FGF12: variants seen among roughly 807,000 people sequenced by gnomAD.
FGF12 encodes fibroblast growth factor 12B.
Under a neutral mutation model 23.6 loss-of-function variants are expected in FGF12, and 14 were observed. The observed-to-expected ratio is 0.59, with a 90% CI of 0.39 to 0.93. The LOEUF (loss-of-function observed/expected upper bound fraction) is 0.93. FGF12 is among the 40% of genes least tolerant of loss of function. The pLI is 0.00. For synonymous variants in FGF12, 62 were observed against 77.3 expected (o/e 0.80, Z 1.04); for missense variants, 175 against 217.8 (o/e 0.80, Z 1.24).
chr3:192,273,446 T>C (rs180733137), intron 4 of FGF12, among the ~76,000 whole-genome samples: 2 of 152,266 alleles, frequency 1.3e-5, no homozygotes, highest in East Asian at 1.9e-4. Flanking sequence ...CAGACAAACA[T>C]AGGGCCTCTA....
rs531697454 is a variant in FGF12 at position 192,329,517 on chromosome 3, T to C, written c.228+5844A>G. Among the ~76,000 whole-genome samples the C allele has an allele frequency of 4.8e-4, 73 of 152,192 alleles. 1 individual carries two copies. The highest frequency in any genetic ancestry group is 8.7e-4 in the Non-Finnish European group (59 of 68,028). On this transcript the variant is annotated intron_variant, in intron 4 of 5. Transcript: ENST00000445105. The stretch of plus-strand genomic sequence containing the variant: ...TGTTTATCTACATTTGCTTTATTTA[T>C]ACAAGGTTCAGTTCAAACAACTCAA...
At chr3:192,634,356 T>C (rs1180038960) in intron 2 of FGF12, among the ~76,000 whole-genome samples, 2 of 152,108 alleles carry the variant, frequency 1.3e-5, no homozygotes, top group African/African-American at 4.8e-5. Context: ...TTAAAAATAA[T>C]ACAGTATAAC....
At chr3:192,644,391 T>C (rs943273768) in intron 2 of FGF12, among the ~76,000 whole-genome samples, 1 of 152,054 alleles carries the variant, frequency 6.6e-6, no homozygotes, top group Non-Finnish European at 1.5e-5. Flanking sequence ...AAAACCCCTG[T>C]TGTCGTATAT....
At chr3:192,460,458 T>C (rs906644822) in intron 2 of FGF12, among the ~76,000 whole-genome samples, 3 of 152,052 alleles carry the variant, frequency 2.0e-5, no homozygotes, top group African/African-American at 7.2e-5. Context: ...CAGTGGAATA[T>C]AAGGCTCATG....
chr3:192,558,216 T>C (rs2654701), intron 2 of FGF12, among the ~76,000 whole-genome samples: 123,453 of 151,832 alleles, frequency 0.81, 50,665 homozygotes, highest in East Asian at 0.95. Context: ...AAAACAGAGA[T>C]AATAAATTCA....
At chr3:192,445,940 C>T (rs559797428) in intron 2 of FGF12, among the ~76,000 whole-genome samples, 129 of 152,280 alleles carry the variant, frequency 8.5e-4, no homozygotes, top group Non-Finnish European at 1.6e-3. Flanking sequence ...CTGCTTGGCT[C>T]TCTGCAGTGC....
intron 2 of FGF12, among the ~76,000 whole-genome samples, chr3:192,558,588 T>C (rs1281692158): frequency 3.1e-5 from 2 of 65,192 alleles, no homozygotes; most frequent in Non-Finnish European, 6.4e-5. Context: ...AATCCTAAAA[T>C]TCATATGAAA....
At chr3:192,424,373 C>T (rs1410353720) in intron 2 of FGF12, among the ~76,000 whole-genome samples, 1 of 152,168 alleles carries the variant, frequency 6.6e-6, no homozygotes, top group Non-Finnish European at 1.5e-5. Context: ...ACATCTGGTG[C>T]ACCATGCCAA....
chr3:192,638,036 G>A (rs1394815514), intron 2 of FGF12, among the ~76,000 whole-genome samples: 1 of 152,150 alleles, frequency 6.6e-6, no homozygotes, highest in Non-Finnish European at 1.5e-5. Flanking sequence ...TCACATTATT[G>A]CAAGTGAGCC....
At chr3:192,354,038 T>C (rs558436213) in intron 3 of FGF12, among the ~76,000 whole-genome samples, 1 of 152,362 alleles carries the variant, frequency 6.6e-6, no homozygotes, top group South Asian at 2.1e-4. Flanking sequence ...GCTGTGTCTA[T>C]ATACTTGTGA....
intron 4 of FGF12, among the ~76,000 whole-genome samples, chr3:192,326,166 G>A (rs1255109985): frequency 1.3e-5 from 2 of 152,112 alleles, no homozygotes; most frequent in African/African-American, 4.8e-5. Context: ...CAAGGAATTT[G>A]CATCTGATAA....
chr3:192,452,195 A>C (rs542712123), intron 2 of FGF12, among the ~76,000 whole-genome samples: 16 of 152,180 alleles, frequency 1.1e-4, no homozygotes, highest in Non-Finnish European at 1.6e-4. Context: ...AGTTGCTAGG[A>C]GATTTTTTTG....
chr3:192,241,681 A>T (rs781595124), intron 4 of FGF12, among the ~76,000 whole-genome samples: 4 of 152,152 alleles, frequency 2.6e-5, no homozygotes, highest in Non-Finnish European at 4.4e-5. Context: ...GGATAACATG[A>T]AATTCTATGC....
chr3:192,376,340 T>TTTTA (rs146551278), intron 2 of FGF12, among the ~76,000 whole-genome samples: 9 of 149,480 alleles, frequency 6.0e-5, no homozygotes, highest in South Asian at 4.2e-4. Flanking sequence ...ATTAATTTAA[T>TTTTA]TTTATTTATT....
intron 2 of FGF12, among the ~76,000 whole-genome samples, chr3:192,556,894 G>T (rs1388101370): frequency 1.3e-5 from 2 of 151,882 alleles, no homozygotes; most frequent in Non-Finnish European, 2.9e-5. Flanking sequence ...AAAGCAGAAA[G>T]AAAACTTAAA....
intron 2 of FGF12, among the ~76,000 whole-genome samples, chr3:192,510,178 G>A (rs1324585484): frequency 7.2e-5 from 11 of 152,024 alleles, no homozygotes; most frequent in African/African-American, 2.7e-4. Flanking sequence ...CAAGTCATAC[G>A]GCCACACCTA....
At chr3:192,254,014 ATACT>A (rs1280201352) in intron 4 of FGF12, among the ~76,000 whole-genome samples, 1 of 152,008 alleles carries the variant, frequency 6.6e-6, no homozygotes, top group Non-Finnish European at 1.5e-5. Flanking sequence ...TGTATCTCAC[ATACT>A]TATTTTTTTG....
intron 2 of FGF12, among the ~76,000 whole-genome samples, chr3:192,435,066 C>T (rs1420051215): frequency 6.6e-6 from 1 of 152,118 alleles, no homozygotes; most frequent in Non-Finnish European, 1.5e-5. Context: ...CAGCTCCTAT[C>T]CCCGTCTTGG....
intron 2 of FGF12, among the ~76,000 whole-genome samples, chr3:192,382,729 C>A (rs1719871901): frequency 6.6e-6 from 1 of 152,040 alleles, no homozygotes; most frequent in Non-Finnish European, 1.5e-5. Flanking sequence ...CATCATTTCC[C>A]TTTAATAAGT....
Sources: allele counts gnomAD v4.1 joint callset (sites outside exome capture counted in the v4.1 genomes callset), GRCh38; gene constraint gnomAD v4.1.1; transcripts MANE v1.5; gene names NCBI Gene and HGNC (gene_info 2026-07-23, HGNC 2026-07-21).